ZNF451: variants seen among roughly 807,000 people sequenced by gnomAD.
The protein encoded by ZNF451 is E3 SUMO-protein ligase ZNF451.
Under a neutral mutation model 107.1 loss-of-function variants are expected in ZNF451, and 80 were observed. That is an observed-to-expected ratio of 0.75 (90% CI 0.62 to 0.90). The LOEUF (loss-of-function observed/expected upper bound fraction) is 0.90, where lower values mean the gene tolerates loss of function less well. ZNF451 is among the 40% of genes least tolerant of loss of function. The pLI is 0.00. For synonymous variants in ZNF451, 362 were observed against 406.5 expected, an observed-to-expected ratio of 0.89 and a Z score of 1.32; for missense variants, 1,107 against 1,236.2, an observed-to-expected ratio of 0.90 and a Z score of 1.57.
At position 57,148,609 on chromosome 6, in the gene ZNF451, A is replaced by G. The variant is rs774366708; in HGVS notation, c.2524A>G (p.Arg842Gly). The G allele has an allele frequency of 6.2e-7, 1 of 1,614,140 alleles. No individual in the cohort carries two copies. The highest frequency in any genetic ancestry group is 2.2e-5 in the East Asian group (1 of 44,890). Residue 842 changes from arginine (R) to glycine (G), a missense_variant, in exon 10 of 15, where the codon AGA (arginine) becomes GGA (glycine). Transcript: ENST00000370706. ...TACTGCTAGTGCCTCACATACAGAG[A>G]GAAAACTGAAACAGGCAATAAACTA... is the stretch of plus-strand genomic sequence containing the variant. ...KFTASASHTE[R>G]KLKQAINYSK...
intron 3 of ZNF451, chr6:57,101,085 C>T (rs1373944815): frequency 1.0e-5 from 16 of 1,550,680 alleles, no homozygotes; most frequent in Non-Finnish European, 1.4e-5. Flanking sequence ...GGGACATCTC[C>T]ACCTCTAAAG....
At position 57,099,155 on chromosome 6, in the gene ZNF451, A is replaced by G; in HGVS notation, c.186+14A>G. On this transcript the variant is annotated intron_variant, in intron 3 of 14. Coordinates refer to ENST00000370706, the MANE Select transcript of ZNF451 (RefSeq NM_001031623.3). Reference sequence around the variant, plus strand: ...TCTTATACTGATGTAAGTACATTATATTTGATTTGTGTTTCTTCACTTGTG... The same window carrying G: ...TCTTATACTGATGTAAGTACATTATGTTTGATTTGTGTTTCTTCACTTGTG... 1 of 1,580,424 alleles carries G rather than the reference A, an allele frequency of 6.3e-7. No individual in the cohort carries two copies. Among genetic ancestry groups the G allele is most frequent in the Non-Finnish European group, 8.7e-7 (1 of 1,149,916 alleles).
At position 57,122,724 on chromosome 6, in the gene ZNF451, CAG is replaced by C. The variant is rs1324539057; in HGVS notation, c.187-2008_187-2007del. On this transcript the variant is annotated intron_variant, in intron 3 of 14. Transcript: ENST00000370706. ...TTATTTCTAAAAAGTCAAAAAGTAA[CAG>C]ATATTGGCAAGGTTCTAGAGAAAAG... 3.3e-5 allele frequency among the ~76,000 whole-genome samples: 5 copies of C among 152,258 alleles called. No individual in the cohort carries two copies. In the South Asian group the frequency reaches 6.2e-4, roughly 19 times the overall value.
Position 57,128,710 on chromosome 6 carries a change from T to A in ZNF451, c.313-19T>A. 1 of 1,577,138 alleles carries A rather than the reference T, an allele frequency of 6.3e-7. No homozygotes were observed. Among genetic ancestry groups the A allele is most frequent in the Non-Finnish European group, 8.7e-7 (1 of 1,153,030 alleles). The stretch of plus-strand genomic sequence containing the variant: ...AACAGGGTAGTAATCTTAATTGAGT[T>A]TTTTCTTAATGTCTTCAGGAAAAAA... On this transcript the variant is annotated intron_variant, in intron 4 of 14. Coordinates refer to ENST00000370706, the MANE Select transcript of ZNF451 (RefSeq NM_001031623.3).
Position 57,147,853 on chromosome 6 carries a change from A to G in ZNF451, c.1768A>G (p.Ile590Val). 3.1e-6 allele frequency: 5 copies of G among 1,614,112 alleles called. No homozygotes were observed. The highest frequency in any genetic ancestry group is 1.3e-5 in the African/African-American group (1 of 75,038). Residue 590 changes from isoleucine to valine, a missense_variant, in exon 10 of 15, where the codon ATT (isoleucine) becomes GTT (valine). By Grantham distance (29) the Ile-to-Val change is conservative. Transcript: ENST00000370706. Reference protein sequence around the residue: ...NLTANKPSSAITVIDHSPANS... With the variant: ...NLTANKPSSAVTVIDHSPANS... ...GACTGCTAACAAGCCTTCATCAGCT[A>G]TTACTGTTATTGATCATTCCCCGGC...
chr6:57,162,862 C>T (rs933425016), intron 14 of ZNF451, among the ~76,000 whole-genome samples: 7 of 152,058 alleles, frequency 4.6e-5, no homozygotes. Flanking sequence ...GGAGATGTTA[C>T]ATTTTTGTGA....
intron 9 of ZNF451, among the ~76,000 whole-genome samples, chr6:57,143,229 A>G (rs192642928): frequency 1.2e-4 from 18 of 151,790 alleles, no homozygotes; most frequent in Admixed American, 4.6e-4. Flanking sequence ...TTTGTTGATT[A>G]TTTTCTTCTT....
rs542822383 is a variant in ZNF451 at position 57,103,092 on chromosome 6, GC to G, written c.186+3954del. The G allele has an allele frequency of 2.5e-3, 2,485 of 985,386 alleles. 3 individuals are homozygous for G. The highest frequency in any genetic ancestry group is 2.8e-3 in the Non-Finnish European group (2,343 of 829,920). The allele number at this position is 985,386 out of a possible 1,614,324, so 61.0% of individuals were successfully genotyped here. A position where few individuals can be genotyped will look rare whatever the true frequency, so the allele number is the denominator to read the frequency against. Reference sequence around the variant, plus strand: ...ATACAAAAAAGATACGCACATCAGTGCCCTGGAAATAAAGGATGTTACACGA... The same window carrying G: ...ATACAAAAAAGATACGCACATCAGTGCCTGGAAATAAAGGATGTTACACGA... On this transcript the variant is annotated intron_variant, in intron 3 of 14. Transcript: ENST00000370706.
At chr6:57,101,143 T>C (rs1002450515) in intron 3 of ZNF451, 2 of 1,550,576 alleles carry the variant, frequency 1.3e-6, no homozygotes. Context: ...CAAATCACCA[T>C]CAGCTGATGA....
intron 3 of ZNF451, among the ~76,000 whole-genome samples, chr6:57,122,156 T>C (rs975233012): frequency 1.3e-5 from 2 of 152,188 alleles, no homozygotes; most frequent in Non-Finnish European, 2.9e-5. Flanking sequence ...ATTCAATAAA[T>C]GATGCTGGGA....
intron 3 of ZNF451, chr6:57,104,419 A>C (rs1184916330): frequency 1.0e-6 from 1 of 985,186 alleles, no homozygotes; most frequent in Non-Finnish European, 1.2e-6. Context: ...TTCACTTTCC[A>C]TTTGTCCCCT....
Position 57,153,418 on chromosome 6 carries a change from T to A in ZNF451, c.2884-443T>A, listed in dbSNP as rs1024854360. Among the ~76,000 whole-genome samples the A allele has an allele frequency of 4.0e-5, 6 of 151,846 alleles. No homozygotes were observed. In the East Asian group the frequency reaches 9.7e-4, roughly 25 times the overall value. On this transcript the variant is annotated intron_variant, in intron 12 of 14. Coordinates refer to ENST00000370706, the MANE Select transcript of ZNF451 (RefSeq NM_001031623.3). ...TCTTTCTTTCTCTCTTTTTTTTTTT[T>A]TCCTTTTTGAGACGGAGTGTCACTC...
chr6:57,108,705 A>G, intron 3 of ZNF451: 1 of 985,404 alleles, frequency 1.0e-6, no homozygotes, highest in Non-Finnish European at 1.2e-6. Flanking sequence ...TCTTGGAAGC[A>G]TGTTAATATC....
intron 4 of ZNF451, among the ~76,000 whole-genome samples, chr6:57,127,510 C>T (rs1206813242): frequency 1.3e-5 from 2 of 152,108 alleles, no homozygotes; most frequent in Non-Finnish European, 2.9e-5. Context: ...GATAACTAGG[C>T]CATACATTAT....
intron 12 of ZNF451, among the ~76,000 whole-genome samples, chr6:57,153,543 T>C (rs1460674017): frequency 6.6e-6 from 1 of 151,802 alleles, no homozygotes; most frequent in Non-Finnish European, 1.5e-5. Flanking sequence ...TCCCGAGTAG[T>C]TGGGATTACA....
At chr6:57,100,461 G>A (rs1829540953) in intron 3 of ZNF451, 4 of 1,024,558 alleles carry the variant, frequency 3.9e-6, no homozygotes, top group East Asian at 2.8e-5. Flanking sequence ...GACCTTGAGT[G>A]GATTGTATCT....
At chr6:57,149,702 A>G (rs902570002) in intron 10 of ZNF451, among the ~76,000 whole-genome samples, 1 of 152,236 alleles carries the variant, frequency 6.6e-6, no homozygotes, top group African/African-American at 2.4e-5. Flanking sequence ...GTAGATTTCA[A>G]CATCACCTTT....
chr6:57,109,080 C>T, intron 3 of ZNF451: 2 of 985,364 alleles, frequency 2.0e-6, no homozygotes, highest in Non-Finnish European at 2.4e-6. Flanking sequence ...TATTTGATGT[C>T]TTAGCTATTA....
At chr6:57,101,303 T>C (rs1457098266) in intron 3 of ZNF451, 1 of 1,550,710 alleles carries the variant, frequency 6.4e-7, no homozygotes, top group East Asian at 2.4e-5. Context: ...AAAAAACGTT[T>C]GGTTCCTCCA....
Sources: gnomAD v4.1 joint callset for allele counts (sites outside exome capture counted in the v4.1 genomes callset) on GRCh38, gnomAD v4.1.1 for gene constraint, MANE v1.5 for transcripts, NCBI Gene and HGNC (gene_info 2026-07-23, HGNC 2026-07-21) for gene names.